The following CDH13 variants were observed in gnomAD, a reference collection of about 807,000 sequenced individuals.
CDH13 encodes the protein cadherin 13.
A neutral mutation model predicts 63.8 loss-of-function variants in CDH13; 24 were observed. That is an observed-to-expected ratio of 0.38 (90% CI 0.27 to 0.53). CDH13 has a LOEUF of 0.53. Among genes scored for constraint, CDH13 ranks in the 20% least tolerant of loss-of-function variants. The pLI, the probability that CDH13 is intolerant of heterozygous loss-of-function variation, is 0.85. For synonymous variants in CDH13, 503 were observed against 355.3 expected (o/e 1.42, Z -4.67); for missense variants, 1,049 against 903.1 (o/e 1.16, Z -2.07).
intron 9 of CDH13, among the ~76,000 whole-genome samples, chr16:83,674,301 C>T (rs1483668330): frequency 2.0e-5 from 3 of 152,184 alleles, no homozygotes; most frequent in African/African-American, 7.2e-5. Flanking sequence ...TTGACATTTT[C>T]CTCTTGGACA....
chr16:82,681,929 C>G (rs1251585775), intron 1 of CDH13, among the ~76,000 whole-genome samples: 1 of 152,234 alleles, frequency 6.6e-6, no homozygotes, highest in Admixed American at 6.5e-5. Flanking sequence ...TGCAGCAGTT[C>G]CCAGGCTTAG....
intron 1 of CDH13, among the ~76,000 whole-genome samples, chr16:82,753,826 A>T (rs2034513256): frequency 6.6e-6 from 1 of 152,162 alleles, no homozygotes; most frequent in Admixed American, 6.6e-5. Flanking sequence ...ATCAAGAGAG[A>T]AGTGGCCTTG....
chr16:83,268,001 G>A (rs1265908193), intron 5 of CDH13, among the ~76,000 whole-genome samples: 2 of 152,134 alleles, frequency 1.3e-5, no homozygotes, highest in Non-Finnish European at 2.9e-5. Context: ...ATTTAGAGAA[G>A]TTTAGAGGAG....
At chr16:82,926,801 G>T (rs1366025090) in intron 2 of CDH13, among the ~76,000 whole-genome samples, 1 of 152,138 alleles carries the variant, frequency 6.6e-6, no homozygotes, top group East Asian at 1.9e-4. Context: ...GTTCATCCAG[G>T]GGTATCATTG....
At chr16:83,069,904 A>G (rs1393128266) in intron 3 of CDH13, among the ~76,000 whole-genome samples, 1 of 152,234 alleles carries the variant, frequency 6.6e-6, no homozygotes, top group African/African-American at 2.4e-5. Context: ...CTCTCTAGAA[A>G]TGCAGACAGA....
intron 5 of CDH13, among the ~76,000 whole-genome samples, chr16:83,254,952 TTTC>T (rs1567542183): frequency 0.018 from 2,605 of 145,600 alleles, 148 homozygotes; most frequent in African/African-American, 0.06. Context: ...TCTTTTTCTC[TTTC>T]TTTCTTTCTT....
chr16:83,094,414 A>T (rs1055326303), intron 3 of CDH13, among the ~76,000 whole-genome samples: 1 of 152,228 alleles, frequency 6.6e-6, no homozygotes, highest in Non-Finnish European at 1.5e-5. Context: ...TGGTACGCTT[A>T]CAACAGAGAT....
At chr16:83,435,805 C>G (rs903814620) in intron 6 of CDH13, among the ~76,000 whole-genome samples, 1 of 152,186 alleles carries the variant, frequency 6.6e-6, no homozygotes, top group African/African-American at 2.4e-5. Flanking sequence ...TTCTGCATTT[C>G]CTGCTGTCTC....
intron 2 of CDH13, among the ~76,000 whole-genome samples, chr16:82,910,517 A>G (rs932897466): frequency 2.6e-5 from 4 of 151,708 alleles, no homozygotes; most frequent in African/African-American, 9.7e-5. Context: ...CAAACCTTGA[A>G]CTCCCTGGAG....
intron 3 of CDH13, among the ~76,000 whole-genome samples, chr16:83,080,881 T>TGTTTG (rs1231075954): frequency 1.0e-3 from 112 of 110,736 alleles, no homozygotes; most frequent in African/African-American, 4.0e-3. Flanking sequence ...GTTTTTTTTT[T>TGTTTG]TTTTTTTTTT....
chr16:83,077,587 A>G (rs576614192), intron 3 of CDH13, among the ~76,000 whole-genome samples: 20 of 152,034 alleles, frequency 1.3e-4, no homozygotes, highest in Non-Finnish European at 2.9e-4. Context: ...ACTTGTATAG[A>G]CCATATTTAT....
At chr16:82,780,876 T>G in intron 1 of CDH13, among the ~76,000 whole-genome samples, 1 of 152,250 alleles carries the variant, frequency 6.6e-6, no homozygotes, top group East Asian at 1.9e-4. Flanking sequence ...AAGGGTTATA[T>G]TTCATTCTAC....
In CDH13 at chr16:83,007,217, C is replaced by T. The variant is rs565090829; in HGVS notation, c.158-24793C>T. 2.8e-3 allele frequency among the ~76,000 whole-genome samples: 429 copies of T among 152,290 alleles called. 2 individuals carry two copies. Among genetic ancestry groups the T allele is most frequent in the African/African-American group, 9.8e-3 (407 of 41,552 alleles). On this transcript the variant is annotated intron_variant, in intron 2 of 13. Transcript: ENST00000567109. Reference sequence around the variant, plus strand: ...GATTACAGGCATGAGCCACCGCGCCCAGCATGATGACTTAAATTCTAATCA... The same window carrying T: ...GATTACAGGCATGAGCCACCGCGCCTAGCATGATGACTTAAATTCTAATCA...
chr16:83,014,189 A>C, intron 2 of CDH13, among the ~76,000 whole-genome samples: 1 of 151,968 alleles, frequency 6.6e-6, no homozygotes, highest in East Asian at 1.9e-4. Context: ...ACAATCTCTA[A>C]CCTTCCCATT....
At chr16:83,154,404 A>C (rs921141391) in intron 4 of CDH13, among the ~76,000 whole-genome samples, 1 of 151,974 alleles carries the variant, frequency 6.6e-6, no homozygotes, top group African/African-American at 2.4e-5. Context: ...AAAATACAAA[A>C]AAATAAAATA....
At chr16:83,123,295 T>C (rs931737361) in intron 3 of CDH13, among the ~76,000 whole-genome samples, 2 of 152,076 alleles carry the variant, frequency 1.3e-5, no homozygotes. Context: ...TTTTTCTTTT[T>C]TGAGACTGAT....
At chr16:82,649,471 C>A (rs1440876965) in intron 1 of CDH13, among the ~76,000 whole-genome samples, 3 of 152,160 alleles carry the variant, frequency 2.0e-5, no homozygotes, top group Non-Finnish European at 4.4e-5. Context: ...AGAGAAAGCA[C>A]TAGATTCAAC....
rs1006105481 is a variant in CDH13, at chr16:83,794,830, C to G, written c.2135-193C>G. Among the ~76,000 whole-genome samples, 3 of 151,954 alleles carry G rather than the reference C, an allele frequency of 2.0e-5. No individual in the cohort carries two copies. In the South Asian group the frequency reaches 6.2e-4, roughly 32 times the overall value. On this transcript the variant is annotated intron_variant, in intron 13 of 13. Transcript: ENST00000567109. ...TCACCATTAGCATTTTCAGAGAAGT[C>G]CAGCTTTTTACCATATAACCATTCA...
chr16:83,115,642 G>T (rs1382603218), intron 3 of CDH13, among the ~76,000 whole-genome samples: 1 of 152,212 alleles, frequency 6.6e-6, no homozygotes, highest in Admixed American at 6.5e-5. Context: ...GACTGCATGA[G>T]TCTCACCTTT....
Sources: gnomAD v4.1 joint callset for allele counts (sites outside exome capture counted in the v4.1 genomes callset) on GRCh38, gnomAD v4.1.1 for gene constraint, MANE v1.5 for transcripts, NCBI Gene and HGNC (gene_info 2026-07-23, HGNC 2026-07-21) for gene names.